Variants in NHLRC3 observed in about 807,000 individuals in gnomAD.
NHLRC3 encodes NHL repeat-containing protein 3.
NHLRC3 carries 23 observed loss-of-function variants against 32.0 expected under a neutral mutation model. The ratio of observed to expected loss-of-function variants is 0.72; its 90% confidence interval spans 0.52 to 1.02. The LOEUF (loss-of-function observed/expected upper bound fraction) is 1.02. NHLRC3 is among the 50% of genes least tolerant of loss of function. The pLI is 0.00. For missense variants in NHLRC3, 407 were observed against 406.8 expected (o/e 1.00, Z -0.01); for synonymous variants, 159 against 147.9 (o/e 1.08, Z -0.55).
chr13:39,039,078 C>CCAT, intron 1 of NHLRC3, 58 bp from the exon 2 acceptor site: 25 of 1,038,004 alleles, frequency 2.4e-5, no homozygotes, highest in Non-Finnish European at 3.2e-5. Context: ...CCCCCCCGCC[C>CCAT]TTTTTTTGTT....
At chr13:39,040,078 C>T (rs766678244) in intron 3 of NHLRC3, 1 of 152,720 alleles carries the variant, frequency 6.5e-6, no homozygotes. Context: ...GTCGCAGCTA[C>T]TGGGGAGGCT....
In NHLRC3 at chr13:39,047,939, G is replaced by A. The variant is rs201037532; in HGVS notation, c.*13G>A. ...ATTTGGTTCATAATGTTTCTTTCCT[G>A]GGAATATTTCAAGTGGCAGTTCAGA... On this transcript the variant is annotated 3_prime_UTR_variant, in exon 7 of 7. Transcript: ENST00000379600. 8.7e-4 allele frequency: 1,363 copies of A among 1,570,660 alleles called. 1 individual carries two copies. The highest frequency in any genetic ancestry group is 1.1e-3 in the Non-Finnish European group (1,303 of 1,148,474).
Position 39,044,076 on chromosome 13 carries a change from T to G in NHLRC3, c.587-14T>G. The G allele has an allele frequency of 6.3e-7, 1 of 1,590,264 alleles. No homozygotes were observed. Among genetic ancestry groups the G allele is most frequent in the Middle Eastern group, 1.7e-4 (1 of 6,016 alleles). On this transcript the variant is annotated splice_polypyrimidine_tract_variant and intron_variant, in intron 4 of 6. Transcript: ENST00000379600. ...CTATATGTTGCTCTGACTATATATT[T>G]TTACCGTTTATAGATTTCATGATCC...
intron 6 of NHLRC3, 64 bp downstream of exon 6, chr13:39,047,216 A>C: frequency 1.2e-6 from 1 of 860,338 alleles, no homozygotes; most frequent in Non-Finnish European, 1.9e-6. Flanking sequence ...ACTTCCTCTG[A>C]ATAGCTAGCT....
In NHLRC3 at chr13:39,049,484, G is replaced by T. The variant is rs9576711; in HGVS notation, c.*1558G>T. The stretch of plus-strand genomic sequence containing the variant: ...GAGAATCAGATGTGCAACAGGTACA[G>T]ACTTGCCCTTTGAAATCTATACCTC... On this transcript the variant is annotated 3_prime_UTR_variant, in exon 7 of 7. Coordinates refer to ENST00000379600, the MANE Select transcript of NHLRC3 (RefSeq NM_001012754.4). 0.15 allele frequency: 22,506 copies of T among 152,188 alleles called. 2,042 individuals carry two copies. Among genetic ancestry groups the T allele is most frequent in the African/African-American group, 0.25 (10,222 of 41,498 alleles). 9.4% of individuals were successfully genotyped at this position (152,188 alleles called of 1,614,324 possible). A position where few individuals can be genotyped will look rare whatever the true frequency, so the allele number is the denominator to read the frequency against.
chr13:39,044,203 G>T (rs1029102770), intron 5 of NHLRC3, 22 bp downstream of exon 5: 1 of 1,499,112 alleles, frequency 6.7e-7, no homozygotes, highest in Non-Finnish European at 9.3e-7. Context: ...GCGTCATTGT[G>T]TCTGGGACTT....
At chr13:39,045,635 A>T (rs1419431307) in intron 5 of NHLRC3, among the ~76,000 whole-genome samples, 1 of 152,236 alleles carries the variant, frequency 6.6e-6, no homozygotes, top group Non-Finnish European at 1.5e-5. Context: ...GATGATGCTA[A>T]CAATCTAAAG....
chr13:39,039,219 A>G lies in NHLRC3; in HGVS notation c.168A>G (p.Pro56=), dbSNP rs753667255. Reference sequence around the variant, plus strand: ...TGGATGTGGGTTGGCCTAAGCACCCAGAATATTTTACCGGAACAACATTTT... The same window carrying G: ...TGGATGTGGGTTGGCCTAAGCACCCGGAATATTTTACCGGAACAACATTTT... The part of the protein sequence containing the change: ...YRLDVGWPKH[P]EYFTGTTFCV... The change falls in exon 2 of 7, where the codon CCA becomes CCG. Residue 56 remains proline (P), a synonymous_variant. Coordinates refer to ENST00000379600, the MANE Select transcript of NHLRC3 (RefSeq NM_001012754.4). 1 of 1,614,084 alleles carries G rather than the reference A, an allele frequency of 6.2e-7. No homozygotes were observed. Among genetic ancestry groups the G allele is most frequent in the South Asian group, 1.1e-5 (1 of 91,082 alleles).
At position 39,042,133 on chromosome 13, in the gene NHLRC3, C is replaced by A. The variant is rs1276534863; in HGVS notation, c.414C>A (p.Tyr138Ter). The A allele has an allele frequency of 1.9e-6, 3 of 1,607,468 alleles. No homozygotes were observed. Among genetic ancestry groups the A allele is most frequent in the Non-Finnish European group, 2.6e-6 (3 of 1,174,342 alleles). ...SGFFGHTVKK[Y>*]SSFGDLVQVL... ...TCTTTGGTCATACTGTTAAAAAATA[C>A]AGTTCTTTTGGTGATCTTGTTCAAG... The change falls in exon 4 of 7, where the codon TAC (tyrosine) becomes TAA (stop). Residue 138 changes from tyrosine (Y) to a stop codon, truncating the protein, a stop_gained. Coordinates refer to ENST00000379600, the MANE Select transcript of NHLRC3 (RefSeq NM_001012754.4). LOFTEE classifies it high-confidence loss of function.
In NHLRC3 at chr13:39,048,212, C is replaced by G; in HGVS notation, c.*286C>G. ...CATTATTTGCCCTGGTAGACTGATTCTCCCTGGGTAAAAAAAATGGGAATA... is the reference window on the plus strand; with the variant it reads ...CATTATTTGCCCTGGTAGACTGATTGTCCCTGGGTAAAAAAAATGGGAATA... On this transcript the variant is annotated 3_prime_UTR_variant, in exon 7 of 7. Coordinates refer to ENST00000379600, the MANE Select transcript of NHLRC3 (RefSeq NM_001012754.4). 9.1e-6 allele frequency: 2 copies of G among 220,710 alleles called. No individual in the cohort carries two copies. The highest frequency in any genetic ancestry group is 1.8e-5 in the Non-Finnish European group (2 of 112,574). The allele number at this position is 220,710 out of a possible 1,614,324, so 13.7% of individuals were successfully genotyped here. A position where few individuals can be genotyped will look rare whatever the true frequency, so the allele number is the denominator to read the frequency against.
intron 4 of NHLRC3, among the ~76,000 whole-genome samples, chr13:39,043,399 G>GC: frequency 6.6e-6 from 1 of 152,154 alleles, no homozygotes; most frequent in Non-Finnish European, 1.5e-5. Flanking sequence ...TAAAGGTCCT[G>GC]CCTTGCCGCT....
chr13:39,047,632 T>C (rs376766850), intron 6 of NHLRC3, 42 bp from the exon 7 acceptor site: 182 of 1,565,234 alleles, frequency 1.2e-4, no homozygotes, highest in Middle Eastern at 3.7e-4. Context: ...ACCCTTATGT[T>C]TTTTCACAGA....
At chr13:39,043,867 T>C (rs1871555400) in intron 4 of NHLRC3, among the ~76,000 whole-genome samples, 1 of 151,694 alleles carries the variant, frequency 6.6e-6, no homozygotes, top group Admixed American at 6.6e-5. Flanking sequence ...CAAGTGGAGA[T>C]AATAATTAAA....
rs558232286 is a variant in NHLRC3, at chr13:39,048,589, A to G, written c.*663A>G. On this transcript the variant is annotated 3_prime_UTR_variant, in exon 7 of 7. Transcript: ENST00000379600. ...TTGAGCTCAGACTTGAAAACTGAGG[A>G]GGAGCTTACCAAGGGACAAGGAGGA... 6.6e-6 allele frequency: 1 copy of G among 152,340 alleles called. No individual in the cohort carries two copies. Among genetic ancestry groups the G allele is most frequent in the Admixed American group, 6.5e-5 (1 of 15,302 alleles). 9.4% of individuals were successfully genotyped at this position (152,340 alleles called of 1,614,324 possible). A position where few individuals can be genotyped will look rare whatever the true frequency, so the allele number is the denominator to read the frequency against.
intron 1 of NHLRC3, 58 bp from the exon 2 acceptor site, chr13:39,039,078 C>CCTTTTTTTT: frequency 9.6e-7 from 1 of 1,038,074 alleles, no homozygotes; most frequent in South Asian, 1.4e-5. Context: ...CCCCCCCGCC[C>CCTTTTTTTT]TTTTTTTGTT....
chr13:39,046,310 C>T (rs1047714061), intron 5 of NHLRC3, among the ~76,000 whole-genome samples: 1 of 152,138 alleles, frequency 6.6e-6, no homozygotes, highest in Non-Finnish European at 1.5e-5. Context: ...CAGAGCGAGA[C>T]TCCATCTCAA....
intron 3 of NHLRC3, 88 bp downstream of exon 3, chr13:39,039,799 C>G: frequency 1.1e-6 from 1 of 919,118 alleles, no homozygotes; most frequent in South Asian, 1.9e-5. Flanking sequence ...ATCAGAGTTG[C>G]TGAATCTAAT....
At position 39,042,236 on chromosome 13, in the gene NHLRC3, G is replaced by A. The variant is rs777652048; in HGVS notation, c.517G>A (p.Asp173Asn). ...TAACCCAGCAGAATTATATGTAGAG[G>A]ACACAGGAGATATTTACATTGTGGA... Reference protein sequence around the residue: ...FDNPAELYVEDTGDIYIVDGD... With the variant: ...FDNPAELYVENTGDIYIVDGD... Residue 173 changes from aspartate to asparagine, a missense_variant, in exon 4 of 7, where the codon GAC becomes AAC. Transcript: ENST00000379600. 1 of 1,611,394 alleles carries A rather than the reference G, an allele frequency of 6.2e-7. No homozygotes were observed. Among genetic ancestry groups the A allele is most frequent in the South Asian group, 1.1e-5 (1 of 91,020 alleles).
chr13:39,044,299 A>G, intron 5 of NHLRC3, 118 bp downstream of exon 5: 1 of 759,608 alleles, frequency 1.3e-6, no homozygotes. Context: ...TGTGGTATAC[A>G]TGTGTGTCTG....
Sources: gnomAD v4.1 joint callset for allele counts (sites outside exome capture counted in the v4.1 genomes callset) on GRCh38, gnomAD v4.1.1 for gene constraint, MANE v1.5 for transcripts, NCBI Gene and HGNC (gene_info 2026-07-23, HGNC 2026-07-21) for gene names.